Variants in EXOSC2 observed in about 807,000 individuals in gnomAD.
EXOSC2 encodes exosome complex component RRP4.
EXOSC2 carries 29 observed loss-of-function variants against 37.6 expected under a neutral mutation model. The ratio of observed to expected loss-of-function variants is 0.77; its 90% CI spans 0.57 to 1.05. EXOSC2 has a LOEUF of 1.05. Among genes scored for constraint, EXOSC2 ranks in the 50% least tolerant of loss-of-function variants. The pLI, the probability that EXOSC2 is intolerant of heterozygous loss-of-function variation, is 0.00. For missense variants in EXOSC2, 346 were observed against 365.6 expected (o/e 0.95, Z 0.44); for synonymous variants, 119 against 131.1 (o/e 0.91, Z 0.63).
intron 3 of EXOSC2, 137 bp downstream of exon 3, chr9:130,697,764 AT>A (rs1831127132): frequency 1.3e-6 from 1 of 787,350 alleles, no homozygotes; most frequent in Non-Finnish European, 2.2e-6. Context: ...TGATGTAAAT[AT>A]GTGGCTTGTT....
intron 2 of EXOSC2, among the ~76,000 whole-genome samples, chr9:130,697,205 G>C (rs1289311150): frequency 6.6e-6 from 1 of 152,224 alleles, no homozygotes; most frequent in Non-Finnish European, 1.5e-5. Flanking sequence ...GGAGACGTGA[G>C]CAGACTTGTG....
chr9:130,702,983 A>C (rs113152797), intron 7 of EXOSC2, 70 bp from the exon 8 acceptor site: 20 of 1,547,138 alleles, frequency 1.3e-5, no homozygotes, highest in African/African-American at 5.4e-5. Flanking sequence ...TTTATTTGTG[A>C]ATTTCTGTGG....
chr9:130,702,968 A>G, intron 7 of EXOSC2, 85 bp from the exon 8 acceptor site: 1 of 1,498,828 alleles, frequency 6.7e-7, no homozygotes, highest in Admixed American at 1.8e-5. Flanking sequence ...CTGAGTCATA[A>G]ATGATTTATT....
chr9:130,695,253 A>G lies in EXOSC2; in HGVS notation c.123-239A>G, dbSNP rs376021506. On this transcript the variant is annotated intron_variant, in intron 1 of 8. Transcript: ENST00000372358. ...GGCAACAGGGTGGGCTGTGTTTTCA[A>G]TGGCACAGTCAAGGTAGGCCTGCTG... 1.7e-4 allele frequency among the ~76,000 whole-genome samples: 26 copies of G among 152,306 alleles called. 1 individual carries two copies. The South Asian group carries it at 4.8e-3, about 28-fold the overall frequency.
Position 130,693,887 on chromosome 9 carries a change from A to G in EXOSC2, c.96A>G (p.Thr32=), listed in dbSNP as rs1359714960. 5 of 1,611,510 alleles carry G rather than the reference A, an allele frequency of 3.1e-6. No homozygotes were observed. Among genetic ancestry groups the G allele is most frequent in the East Asian group, 2.2e-5 (1 of 44,748 alleles). The change falls in exon 1 of 9, where the codon ACA becomes ACG. Residue 32 remains threonine, a synonymous_variant. Transcript: ENST00000372358. ...TKKHLVVPGD[T]ITTDTGFMRG... is the part of the protein sequence containing the mutation. ...AACATCTAGTGGTGCCGGGGGATAC[A>G]ATCACTACGGACACAGGATTCATGC...
chr9:130,697,868 A>C, intron 3 of EXOSC2: 1 of 546,392 alleles, frequency 1.8e-6, no homozygotes, highest in Non-Finnish European at 3.3e-6. Context: ...ATCTTGGCTC[A>C]CTGCAACCTC....
chr9:130,700,728 C>T, intron 5 of EXOSC2, 139 bp from the exon 6 acceptor site: 1 of 698,354 alleles, frequency 1.4e-6, no homozygotes, highest in Middle Eastern at 4.0e-4. Flanking sequence ...CAGTGATGTG[C>T]TCTGGGTCAA....
rs772250889 is a variant in EXOSC2, at chr9:130,700,895, G to C, written c.455G>C (p.Gly152Ala). The part of the protein sequence containing the change: ...SAEVQAVFSD[G>A]AVSLHTRSLK... ...GAGGTCCAGGCAGTGTTCTCTGACG[G>C]AGCTGTCTCTTTGCACACGAGGAGC... is the stretch of plus-strand genomic sequence containing the variant. The change falls in exon 6 of 9, where the codon GGA becomes GCA. Residue 152 changes from glycine (G) to alanine (A), a missense_variant. Transcript: ENST00000372358. 1 of 1,614,100 alleles carries C rather than the reference G, an allele frequency of 6.2e-7. No homozygotes were observed. The highest frequency in any genetic ancestry group is 8.5e-7 in the Non-Finnish European group (1 of 1,180,008).
At chr9:130,702,581 T>TTTG (rs1831241540) in intron 7 of EXOSC2, among the ~76,000 whole-genome samples, 3 of 151,194 alleles carry the variant, frequency 2.0e-5, no homozygotes, top group South Asian at 2.1e-4. Flanking sequence ...TTTTCTGTTT[T>TTTG]TTTGTTTGTT....
intron 6 of EXOSC2, 166 bp from the exon 7 acceptor site, chr9:130,701,968 A>ATG: frequency 1.4e-6 from 2 of 1,427,366 alleles, no homozygotes; most frequent in Non-Finnish European, 1.8e-6. Flanking sequence ...CTGAGTCCCA[A>ATG]AGCGTTCTCT....
chr9:130,698,128 G>T lies in EXOSC2; in HGVS notation c.271-34G>T. 1.3e-6 allele frequency: 2 copies of T among 1,587,616 alleles called. No individual in the cohort carries two copies. Among genetic ancestry groups the T allele is most frequent in the Non-Finnish European group, 1.7e-6 (2 of 1,156,070 alleles). On this transcript the variant is annotated intron_variant, in intron 3 of 8. Coordinates refer to ENST00000372358, the MANE Select transcript of EXOSC2 (RefSeq NM_014285.7). The surrounding 1 kb of genome is among the most constrained non-coding windows in gnomAD (Gnocchi z 4.1). ...ATTTATGATATGACACATGAACATG[G>T]AGCATGTGTCCAGGTGTGGAACTTG...
intron 8 of EXOSC2, 137 bp from the exon 9 acceptor site, chr9:130,703,557 T>C: frequency 1.5e-6 from 1 of 681,252 alleles, no homozygotes; most frequent in Non-Finnish European, 2.5e-6. Flanking sequence ...GCAGATCATA[T>C]CTTGTAACGC....
At chr9:130,702,027 C>G in intron 6 of EXOSC2, 107 bp from the exon 7 acceptor site, 1 of 1,470,474 alleles carries the variant, frequency 6.8e-7, no homozygotes, top group Non-Finnish European at 9.0e-7. Flanking sequence ...CAATTATAAA[C>G]AGGAAGGACA....
At chr9:130,696,831 T>G (rs543923058) in intron 2 of EXOSC2, among the ~76,000 whole-genome samples, 38 of 152,252 alleles carry the variant, frequency 2.5e-4, no homozygotes, top group African/African-American at 8.9e-4. Context: ...CCGAGGTTTT[T>G]GGCCTGAGCA....
Position 130,701,767 on chromosome 9 carries a change from G to A in EXOSC2, c.496-367G>A, listed in dbSNP as rs1027752384. On this transcript the variant is annotated intron_variant, in intron 6 of 8. Transcript: ENST00000372358. ...GGCAAGATGAGTGTTTGGGGTTCAG[G>A]TATGAGCTAGGGTCATGGAACAACG... is the stretch of plus-strand genomic sequence containing the variant. 4 of 928,352 alleles carry A rather than the reference G, an allele frequency of 4.3e-6. No homozygotes were observed. The East Asian group carries it at 4.2e-4, about 97-fold the overall frequency. The allele number at this position is 928,352 out of a possible 1,614,324, so 57.5% of individuals were successfully genotyped here. A position where few individuals can be genotyped will look rare whatever the true frequency, so the allele number is the denominator to read the frequency against.
At chr9:130,696,339 G>A (rs1032095943) in intron 2 of EXOSC2, among the ~76,000 whole-genome samples, 6 of 152,212 alleles carry the variant, frequency 3.9e-5, no homozygotes, top group Admixed American at 6.5e-5. Flanking sequence ...GTGGGCGGGC[G>A]TGGGCCTGCC....
chr9:130,702,280 G>T lies in EXOSC2; in HGVS notation c.642G>T (p.Glu214Asp). 1 of 1,614,064 alleles carries T rather than the reference G, an allele frequency of 6.2e-7. No homozygotes were observed. Among genetic ancestry groups the T allele is most frequent in the South Asian group, 1.1e-5 (1 of 91,064 alleles). The change falls in exon 7 of 9, where the codon GAG (glutamate) becomes GAT (aspartate). Residue 214 changes from glutamate (E) to aspartate (D), a missense_variant. Glu to Asp is a conservative substitution (Grantham distance 45, BLOSUM62 2). Transcript: ENST00000372358. ...ACCCAACACCTGAGCACAAAGAAGA[G>T]GAAGCAGGGGGCTTCATTGCAAACC... ...WIYPTPEHKE[E>D]EAGGFIANLE...
Position 130,703,695 on chromosome 9 carries a change from T to G in EXOSC2, c.803T>G (p.Ile268Ser), listed in dbSNP as rs1831267496. 6.2e-7 allele frequency: 1 copy of G among 1,613,346 alleles called. No homozygotes were observed. The change falls in exon 9 of 9, where the codon ATC (isoleucine) becomes AGC (serine). Residue 268 changes from isoleucine to serine, a missense_variant and splice_region_variant. Coordinates refer to ENST00000372358, the MANE Select transcript of EXOSC2 (RefSeq NM_014285.7). ...YCYEASLPHQ[I>S]KDILKPEIME... Reference sequence around the variant, plus strand: ...ACAAATGCCTTTTCCCTTTTTCAGATCAAAGACATCTTAAAGCCAGAAATA... The same window carrying G: ...ACAAATGCCTTTTCCCTTTTTCAGAGCAAAGACATCTTAAAGCCAGAAATA...
At position 130,694,038 on chromosome 9, in the gene EXOSC2, T is replaced by C; in HGVS notation, c.122+125T>C. On this transcript the variant is annotated intron_variant, in intron 1 of 8. Transcript: ENST00000372358. This position sits in a 1 kb window ranked among gnomAD's most constrained non-coding sequence, Gnocchi z 4.0. ...GGACCCAGGGCACTTCGTCTGAGCA[T>C]CCTACACACCTCGCTTCCGAGCCTC... 1 of 1,136,150 alleles carries C rather than the reference T, an allele frequency of 8.8e-7. No individual in the cohort carries two copies. Among genetic ancestry groups the C allele is most frequent in the South Asian group, 1.9e-5 (1 of 53,624 alleles). 70.4% of individuals were successfully genotyped at this position (1,136,150 alleles called of 1,614,324 possible).
Sources: gnomAD v4.1 joint callset for allele counts (sites outside exome capture counted in the v4.1 genomes callset) on GRCh38, gnomAD v4.1.1 for gene constraint, Gnocchi (gnomAD v3.1) non-coding constraint, MANE v1.5 for transcripts, NCBI Gene and HGNC (gene_info 2026-07-23, HGNC 2026-07-21) for gene names.